Variants in SOX5 observed in about 807,000 individuals in gnomAD.
The protein encoded by SOX5 is transcription factor SOX-5.
A neutral mutation model predicts 92.0 loss-of-function variants in SOX5; 9 were observed. The ratio of observed to expected loss-of-function variants is 0.10; its 90% confidence interval spans 0.06 to 0.17. The LOEUF (loss-of-function observed/expected upper bound fraction) is 0.17. Ranked by LOEUF, SOX5 falls within the 10% of genes least tolerant of loss-of-function variation. SOX5 has a pLI of 1.00. For missense variants in SOX5, 642 were observed against 944.5 expected, an observed-to-expected ratio of 0.68 and a Z score of 4.20; for synonymous variants, 344 against 336.3, an observed-to-expected ratio of 1.02 and a Z score of -0.25.
At chr12:24,240,625 A>C (rs1056181733) in intron 3 of SOX5, among the ~76,000 whole-genome samples, 2 of 152,186 alleles carry the variant, frequency 1.3e-5, no homozygotes, top group African/African-American at 4.8e-5. Flanking sequence ...GTAAGAAAGA[A>C]ATAAAAACAC....
chr12:23,726,869 C>T (rs2093162538), intron 6 of SOX5, among the ~76,000 whole-genome samples: 1 of 152,152 alleles, frequency 6.6e-6, no homozygotes, highest in African/African-American at 2.4e-5. Flanking sequence ...CTGAAGCCCG[C>T]TGGTTCTGTG....
chr12:23,740,735 G>T, intron 5 of SOX5, 132 bp downstream of exon 5: 1 of 769,980 alleles, frequency 1.3e-6, no homozygotes, highest in Non-Finnish European at 1.9e-6. Flanking sequence ...TTGCTTTTTT[G>T]GCCTTTGAAT....
Position 24,501,144 on chromosome 12 carries a change from T to C in SOX5, c.-251+61185A>G, listed in dbSNP as rs566835047. ...AGACTGTGCCACAATTTTATCCTTA[T>C]AAATTAGCCTACCAGACAAACACTA... is the stretch of plus-strand genomic sequence containing the variant. On this transcript the variant is annotated intron_variant, in intron 1 of 4. Transcript: ENST00000446891. Among the ~76,000 whole-genome samples, 391 of 152,310 alleles carry C rather than the reference T, an allele frequency of 2.6e-3. 2 individuals carry two copies. The highest frequency in any genetic ancestry group is 4.7e-3 in the Non-Finnish European group (322 of 68,026).
chr12:24,061,981 G>C (rs961387541), intron 4 of SOX5, among the ~76,000 whole-genome samples: 6 of 152,016 alleles, frequency 3.9e-5, no homozygotes, highest in Admixed American at 6.5e-5. Flanking sequence ...ATAGCCATTT[G>C]AGAGAGGAAA....
intron 1 of SOX5, among the ~76,000 whole-genome samples, chr12:23,897,265 A>G (rs1192819337): frequency 6.6e-6 from 1 of 152,146 alleles, no homozygotes; most frequent in Non-Finnish European, 1.5e-5. Context: ...AAATGCCTCT[A>G]ATCATTGATG....
chr12:24,289,995 C>T (rs1381818959), intron 2 of SOX5, among the ~76,000 whole-genome samples: 1 of 152,130 alleles, frequency 6.6e-6, no homozygotes, highest in East Asian at 1.9e-4. Context: ...CTCAGAAAAC[C>T]GGTACAAACG....
intron 4 of SOX5, among the ~76,000 whole-genome samples, chr12:24,024,919 G>C (rs536347613): frequency 1.3e-5 from 2 of 151,974 alleles, no homozygotes; most frequent in African/African-American, 2.4e-5. Context: ...AGGAATTCCA[G>C]AGGTGATTTC....
At chr12:24,064,843 T>C (rs756935359) in intron 4 of SOX5, among the ~76,000 whole-genome samples, 1 of 152,288 alleles carries the variant, frequency 6.6e-6, no homozygotes, top group East Asian at 1.9e-4. Flanking sequence ...TACATAAGGA[T>C]GGGTTCATGT....
chr12:23,815,640 C>A (rs1239222231), intron 3 of SOX5, among the ~76,000 whole-genome samples: 1 of 152,136 alleles, frequency 6.6e-6, no homozygotes, highest in Non-Finnish European at 1.5e-5. Flanking sequence ...CAGATAATGG[C>A]AGAGAAAATG....
intron 4 of SOX5, among the ~76,000 whole-genome samples, chr12:23,744,879 G>C (rs537270809): frequency 6.6e-6 from 1 of 152,200 alleles, no homozygotes; most frequent in African/African-American, 2.4e-5. Flanking sequence ...TTGTCAACAG[G>C]GTTGATCTGT....
chr12:23,761,304 A>C (rs940433585), intron 3 of SOX5, among the ~76,000 whole-genome samples: 18 of 152,246 alleles, frequency 1.2e-4, no homozygotes, highest in Admixed American at 7.2e-4. Context: ...CTTAAAACTA[A>C]AACAACACAC....
Position 23,593,437 on chromosome 12 carries a change from A to C in SOX5, c.1164+10950T>G, listed in dbSNP as rs1288779141. 3.3e-5 allele frequency among the ~76,000 whole-genome samples: 5 copies of C among 152,198 alleles called. No homozygotes were observed. In the East Asian group the frequency reaches 9.6e-4, roughly 29 times the overall value. ...ATGGAGAACCTCATTTTCTTATAAT[A>C]TTTTGGATAGGCTCTGGATTAAAAT... On this transcript the variant is annotated intron_variant, in intron 9 of 14. Coordinates refer to ENST00000451604, the MANE Select transcript of SOX5 (RefSeq NM_006940.6).
chr12:23,713,330 T>C (rs976683701), intron 6 of SOX5, among the ~76,000 whole-genome samples: 4 of 152,158 alleles, frequency 2.6e-5, no homozygotes, highest in Admixed American at 6.5e-5. Flanking sequence ...ACCTCCATAA[T>C]TGTGAGGGAA....
intron 3 of SOX5, among the ~76,000 whole-genome samples, chr12:24,240,181 T>C (rs1165060557): frequency 2.0e-5 from 3 of 152,220 alleles, no homozygotes; most frequent in African/African-American, 7.2e-5. Flanking sequence ...TTGTAAGATA[T>C]AGCCAAATCA....
intron 1 of SOX5, among the ~76,000 whole-genome samples, chr12:24,384,079 T>A (rs1219667420): frequency 6.6e-6 from 1 of 152,206 alleles, no homozygotes; most frequent in Non-Finnish European, 1.5e-5. Context: ...ACCGCCATTA[T>A]TGTAAGTTTC....
intron 1 of SOX5, among the ~76,000 whole-genome samples, chr12:23,907,419 A>G (rs1349275807): frequency 6.6e-6 from 1 of 152,216 alleles, no homozygotes; most frequent in African/African-American, 2.4e-5. Context: ...ATAATATATA[A>G]TTCAAAACTA....
intron 4 of SOX5, among the ~76,000 whole-genome samples, chr12:24,058,579 C>T (rs776256303): frequency 2.0e-5 from 3 of 152,084 alleles, no homozygotes; most frequent in Non-Finnish European, 2.9e-5. Flanking sequence ...GCAGCACTTT[C>T]TTGTTTATTG....
chr12:23,709,607 A>T (rs73282019), intron 6 of SOX5, among the ~76,000 whole-genome samples: 7 of 152,118 alleles, frequency 4.6e-5, no homozygotes, highest in African/African-American at 1.7e-4. Context: ...TATAGAAAGT[A>T]CAGGGATTAA....
At chr12:23,614,631 C>T (rs575850695) in intron 8 of SOX5, among the ~76,000 whole-genome samples, 2 of 152,240 alleles carry the variant, frequency 1.3e-5, no homozygotes, top group East Asian at 1.9e-4. Context: ...CATTCCGGTA[C>T]AAGTTTTTGT....
Sources: gnomAD v4.1 joint callset for allele counts (sites outside exome capture counted in the v4.1 genomes callset) on GRCh38, gnomAD v4.1.1 for gene constraint, MANE v1.5 for transcripts, NCBI Gene and HGNC (gene_info 2026-07-23, HGNC 2026-07-21) for gene names.